Variants in STEAP1B observed in about 807,000 individuals in gnomAD.
STEAP1B encodes STEAP family protein MGC87042.
A neutral mutation model predicts 27.9 loss-of-function variants in STEAP1B; 13 were observed. The ratio of observed to expected loss-of-function variants is 0.47; its 90% CI spans 0.30 to 0.74. The LOEUF (loss-of-function observed/expected upper bound fraction) is 0.74, where lower values mean the gene tolerates loss of function less well. Among genes scored for constraint, STEAP1B ranks in the 30% least tolerant of loss-of-function variants. The probability of loss-of-function intolerance (pLI) is 0.06; values close to 1 mark genes in which losing one functional copy is unlikely to be tolerated. For missense variants in STEAP1B, 250 were observed against 298.7 expected, an observed-to-expected ratio of 0.84 and a Z score of 1.20; for synonymous variants, 86 against 107.1, an observed-to-expected ratio of 0.80 and a Z score of 1.22.
At chr7:22,483,215 A>C (rs911828643) in intron 4 of STEAP1B, among the ~76,000 whole-genome samples, 1 of 152,186 alleles carries the variant, frequency 6.6e-6, no homozygotes, top group Non-Finnish European at 1.5e-5. Flanking sequence ...ATACAGGACA[A>C]AATTAACCCT....
intron 4 of STEAP1B, among the ~76,000 whole-genome samples, chr7:22,429,323 G>A (rs1353529177): frequency 6.6e-6 from 1 of 152,174 alleles, no homozygotes; most frequent in Non-Finnish European, 1.5e-5. Flanking sequence ...CTCATCAAAG[G>A]AGATCACATT....
intron 4 of STEAP1B, among the ~76,000 whole-genome samples, chr7:22,490,372 T>C (rs558314353): frequency 7.5e-4 from 115 of 152,322 alleles, no homozygotes; most frequent in African/African-American, 2.7e-3. Flanking sequence ...TTCTATCCTA[T>C]TGGCCTAGAA....
At chr7:22,449,205 T>C (rs1785450512) in intron 4 of STEAP1B, among the ~76,000 whole-genome samples, 1 of 152,228 alleles carries the variant, frequency 6.6e-6, no homozygotes, top group Non-Finnish European at 1.5e-5. Flanking sequence ...ATAGTCACCC[T>C]GTTGTATTAT....
chr7:22,450,043 C>G (rs938138257), intron 4 of STEAP1B, among the ~76,000 whole-genome samples: 1 of 152,072 alleles, frequency 6.6e-6, no homozygotes, highest in African/African-American at 2.4e-5. Flanking sequence ...GATATTAACC[C>G]CTTGTCAGAT....
chr7:22,453,720 C>T (rs189433815), intron 4 of STEAP1B, among the ~76,000 whole-genome samples: 27 of 152,274 alleles, frequency 1.8e-4, no homozygotes, highest in African/African-American at 6.5e-4. Context: ...CATCCCTGTC[C>T]CTAGATGTAA....
At chr7:22,434,525 T>TA (rs3841290) in intron 4 of STEAP1B, among the ~76,000 whole-genome samples, 49,385 of 151,676 alleles carry the variant, frequency 0.33, 8,841 homozygotes, top group South Asian at 0.42. Flanking sequence ...TAAGAATAGG[T>TA]AAAAAAAAAT....
At position 22,493,817 on chromosome 7, in the gene STEAP1B, G is replaced by A; in HGVS notation, c.104C>T (p.Thr35Ile). 6.2e-7 allele frequency: 1 copy of A among 1,610,958 alleles called. No individual in the cohort carries two copies. The highest frequency in any genetic ancestry group is 8.5e-7 in the Non-Finnish European group (1 of 1,178,444). The change falls in exon 3 of 5, where the codon ACC becomes ATC. Residue 35 changes from threonine (T) to isoleucine (I), a missense_variant. Physicochemically the swap from Thr to Ile is moderately conservative, Grantham distance 89. Transcript: ENST00000678116. ...AAGCACAGGTCTTTTTAGCATGCTGGTCTCTCCCGTGTCCTCATGCTACAA... is the reference window on the plus strand; with the variant it reads ...AAGCACAGGTCTTTTTAGCATGCTGATCTCTCCCGTGTCCTCATGCTACAA... ...NDYLHEDTGETSMLKRPVLLH... is the reference protein window; with the variant it reads ...NDYLHEDTGEISMLKRPVLLH...
chr7:22,497,713 A>G (rs1786466133), intron 1 of STEAP1B, among the ~76,000 whole-genome samples: 1 of 152,208 alleles, frequency 6.6e-6, no homozygotes, highest in Admixed American at 6.5e-5. Context: ...CACTGCTATA[A>G]AGAAATACCT....
chr7:22,442,795 C>T (rs73083146), intron 4 of STEAP1B, among the ~76,000 whole-genome samples: 21,223 of 152,118 alleles, frequency 0.14, 1,641 homozygotes, highest in Non-Finnish European at 0.18. Flanking sequence ...CCTGGGTTGC[C>T]GCCATGACAA....
chr7:22,435,559 T>C (rs10237482), intron 4 of STEAP1B, among the ~76,000 whole-genome samples: 42,499 of 152,108 alleles, frequency 0.28, 7,045 homozygotes, highest in Non-Finnish European at 0.35. Context: ...GGGGGGTGGT[T>C]ATTAAGAAGT....
chr7:22,437,348 T>C (rs143850337), intron 4 of STEAP1B, among the ~76,000 whole-genome samples: 2 of 152,360 alleles, frequency 1.3e-5, no homozygotes, highest in African/African-American at 2.4e-5. Context: ...AGTGGTATCA[T>C]GCAGTAGTTG....
intron 4 of STEAP1B, among the ~76,000 whole-genome samples, chr7:22,452,159 G>A (rs1031954200): frequency 2.6e-5 from 4 of 152,170 alleles, no homozygotes; most frequent in African/African-American, 7.2e-5. Context: ...ATTACAGAAG[G>A]CTGCTACCAC....
intron 4 of STEAP1B, among the ~76,000 whole-genome samples, chr7:22,486,902 C>T (rs969317912): frequency 2.0e-5 from 3 of 152,158 alleles, no homozygotes; most frequent in Non-Finnish European, 4.4e-5. Context: ...GCCTTCTCAG[C>T]TCACTCAGTG....
intron 4 of STEAP1B, among the ~76,000 whole-genome samples, chr7:22,489,217 T>A (rs1786276087): frequency 6.6e-6 from 1 of 152,178 alleles, no homozygotes; most frequent in East Asian, 1.9e-4. Context: ...CTGGTACAAG[T>A]AAGGAAGACA....
chr7:22,465,520 A>G (rs1258375947), intron 4 of STEAP1B, among the ~76,000 whole-genome samples: 2 of 152,194 alleles, frequency 1.3e-5, no homozygotes, highest in Non-Finnish European at 2.9e-5. Flanking sequence ...TCTGTTGTGT[A>G]GATTTCCATC....
At chr7:22,497,199 A>G (rs1337416059) in intron 1 of STEAP1B, among the ~76,000 whole-genome samples, 2 of 152,238 alleles carry the variant, frequency 1.3e-5, no homozygotes, top group Admixed American at 1.3e-4. Flanking sequence ...TACTTCAAGC[A>G]TGGTCATTCT....
At chr7:22,422,797 T>C (rs939365973) in intron 4 of STEAP1B, among the ~76,000 whole-genome samples, 2 of 152,222 alleles carry the variant, frequency 1.3e-5, no homozygotes, top group African/African-American at 4.8e-5. Flanking sequence ...TATCCCACTA[T>C]TTCAAAAAGA....
Position 22,493,644 on chromosome 7 carries a change from C to T in STEAP1B, c.277G>A (p.Glu93Lys), listed in dbSNP as rs1786383893. ...GAAGTTGCTAAAGGGTGAATTACTT[C>T]CCTCAGAAGAGTGTAAAGAAAAGTC... ...SLTFLYTLLR[E>K]VIHPLATSHQ... is the part of the protein sequence containing the mutation. Residue 93 changes from glutamate to lysine, a missense_variant, in exon 3 of 5, where the codon GAA becomes AAA. Physicochemically the swap from Glu to Lys is moderately conservative, Grantham distance 56 (BLOSUM62 1). Transcript: ENST00000678116. The T allele has an allele frequency of 1.2e-6, 2 of 1,613,968 alleles. No individual in the cohort carries two copies. The highest frequency in any genetic ancestry group is 4.5e-5 in the East Asian group (2 of 44,886).
In STEAP1B at chr7:22,419,836, C is replaced by T; in HGVS notation, c.763G>A (p.Val255Ile). ...GTCAGGAAGTTGATCCTACCATGTACCTGGAAGGCAGACAGCAAGAAAGAG... is the reference window on the plus strand; with the variant it reads ...GTCAGGAAGTTGATCCTACCATGTATCTGGAAGGCAGACAGCAAGAAAGAG... ...LTWREFHYIQ[V>I]HGRINFLTL Residue 255 changes from valine (V) to isoleucine (I), a missense_variant and splice_region_variant, in exon 5 of 5, where the codon GTA (valine) becomes ATA (isoleucine). Transcript: ENST00000678116. 6.5e-7 allele frequency: 1 copy of T among 1,549,512 alleles called. No homozygotes were observed. Among genetic ancestry groups the T allele is most frequent in the Non-Finnish European group, 8.7e-7 (1 of 1,145,762 alleles).
Sources: gnomAD v4.1 joint callset for allele counts (sites outside exome capture counted in the v4.1 genomes callset) on GRCh38, gnomAD v4.1.1 for gene constraint, MANE v1.5 for transcripts, NCBI Gene and HGNC (gene_info 2026-07-23, HGNC 2026-07-21) for gene names.